Variants in DACH1 observed in about 807,000 individuals in gnomAD.
The protein encoded by DACH1 is dachshund homolog 1.
In DACH1, 12 loss-of-function variants were observed where a neutral mutation model predicts 54.2. That is an observed-to-expected ratio of 0.22 (90% CI 0.14 to 0.36). DACH1 has a LOEUF of 0.36. DACH1 is among the 10% of genes least tolerant of loss of function. The pLI is 1.00. For synonymous variants in DACH1, 386 were observed against 366.2 expected, an observed-to-expected ratio of 1.05 and a Z score of -0.62; for missense variants, 805 against 929.8, an observed-to-expected ratio of 0.87 and a Z score of 1.75.
chr13:71,828,949 AAAATTCACTT>A (rs1888484065), intron 1 of DACH1, among the ~76,000 whole-genome samples: 1 of 151,926 alleles, frequency 6.6e-6, no homozygotes, highest in South Asian at 2.1e-4. Flanking sequence ...CCCTCCCACA[AAAATTCACTT>A]AAATCCTGTT....
intron 6 of DACH1, among the ~76,000 whole-genome samples, chr13:71,497,318 A>T (rs1879517984): frequency 6.6e-6 from 1 of 151,920 alleles, no homozygotes; most frequent in Admixed American, 6.6e-5. Flanking sequence ...TTCTTGTACC[A>T]TAAGCCTGTG....
intron 1 of DACH1, among the ~76,000 whole-genome samples, chr13:71,834,198 C>A (rs1368143460): frequency 6.6e-6 from 1 of 152,014 alleles, no homozygotes; most frequent in Admixed American, 6.6e-5. Context: ...TCTCAGTAAT[C>A]TCTTTATCTT....
chr13:71,614,695 A>C (rs1875618537), intron 3 of DACH1, among the ~76,000 whole-genome samples: 1 of 152,048 alleles, frequency 6.6e-6, no homozygotes, highest in Non-Finnish European at 1.5e-5. Flanking sequence ...CTCTACAAAA[A>C]ATAAAAACAT....
intron 2 of DACH1, among the ~76,000 whole-genome samples, chr13:71,676,157 C>T (rs1413939991): frequency 7.5e-6 from 1 of 134,116 alleles, no homozygotes; most frequent in Non-Finnish European, 1.5e-5. Context: ...GTTCTCCTTA[C>T]TTGTGAGTAT....
chr13:71,678,396 T>C (rs1038143173), intron 2 of DACH1, among the ~76,000 whole-genome samples: 2 of 152,230 alleles, frequency 1.3e-5, no homozygotes, highest in Non-Finnish European at 2.9e-5. Flanking sequence ...AGAAAAATTT[T>C]ACATAAAAAG....
intron 1 of DACH1, among the ~76,000 whole-genome samples, chr13:71,711,916 T>C (rs949111700): frequency 3.3e-5 from 5 of 152,170 alleles, no homozygotes; most frequent in Non-Finnish European, 7.4e-5. Context: ...AGTTCAGTTC[T>C]ATGCTTGACA....
At chr13:71,686,052 A>G (rs941105165) in intron 1 of DACH1, among the ~76,000 whole-genome samples, 2 of 152,308 alleles carry the variant, frequency 1.3e-5, no homozygotes, top group African/African-American at 2.4e-5. Flanking sequence ...ATCATTTTCT[A>G]TAAGAGCGAC....
Position 71,557,037 on chromosome 13 carries a change from C to T in DACH1, c.1557G>A (p.Met519Ile), listed in dbSNP as rs576172044. 5 of 1,598,074 alleles carry T rather than the reference C, an allele frequency of 3.1e-6. No homozygotes were observed. In the African/African-American group the frequency reaches 4.1e-5, roughly 13 times the overall value. Reference protein sequence around the residue: ...GHDMGHESKRMHIEKDETPLS... With the variant: ...GHDMGHESKRIHIEKDETPLS... ...ATCATACATTACCTTTTTCAATATG[C>T]ATCCTTTTTGACTCATGTCCCATGT... Residue 519 changes from methionine (M) to isoleucine (I), a missense_variant, in exon 6 of 11, where the codon ATG becomes ATA. Coordinates refer to ENST00000613252, the MANE Select transcript of DACH1 (RefSeq NM_080759.6).
At chr13:71,496,334 A>G (rs560993688) in intron 6 of DACH1, among the ~76,000 whole-genome samples, 36 of 144,410 alleles carry the variant, frequency 2.5e-4, no homozygotes, top group African/African-American at 9.0e-4. Context: ...TGCAACATAT[A>G]TATATATTGT....
chr13:71,835,118 A>G (rs1888735062), intron 1 of DACH1, among the ~76,000 whole-genome samples: 1 of 152,082 alleles, frequency 6.6e-6, no homozygotes, highest in Non-Finnish European at 1.5e-5. Context: ...AAAACTTTGG[A>G]AATGTTGGCT....
intron 2 of DACH1, among the ~76,000 whole-genome samples, chr13:71,632,605 A>G (rs1218583349): frequency 2.0e-5 from 3 of 152,204 alleles, no homozygotes; most frequent in East Asian, 1.9e-4. Flanking sequence ...TTACTGCCCA[A>G]GGAATTATAA....
At chr13:71,585,123 G>A (rs952009909) in intron 3 of DACH1, among the ~76,000 whole-genome samples, 1 of 152,078 alleles carries the variant, frequency 6.6e-6, no homozygotes, top group African/African-American at 2.4e-5. Context: ...ACTGTTGTAA[G>A]TACTGGGGAG....
chr13:71,654,458 G>GTAAAGTAAAGTAAAGTAAAA (rs1566409141), intron 2 of DACH1, among the ~76,000 whole-genome samples: 1 of 71,290 alleles, frequency 1.4e-5, no homozygotes, highest in African/African-American at 4.0e-5. Flanking sequence ...ATAAAATAAA[G>GTAAAGTAAAGTAAAGTAAAA]TAAAATAAAA....
Position 71,438,712 on chromosome 13 carries a change from C to G in DACH1, c.*1943G>C, listed in dbSNP as rs1172955436. 1 of 152,404 alleles carries G rather than the reference C, an allele frequency of 6.6e-6. No individual in the cohort carries two copies. The highest frequency in any genetic ancestry group is 1.5e-5 in the Non-Finnish European group (1 of 67,886). 9.4% of individuals were successfully genotyped at this position (152,404 alleles called of 1,614,324 possible). A position where few individuals can be genotyped will look rare whatever the true frequency, so the allele number is the denominator to read the frequency against. ...AATGTATGATGCAAAAAGCTTGACA[C>G]AAGTCCATTCAATTTTAAGTGTTGT... On this transcript the variant is annotated 3_prime_UTR_variant, in exon 11 of 11. Coordinates refer to ENST00000613252, the MANE Select transcript of DACH1 (RefSeq NM_080759.6).
chr13:71,650,477 A>C (rs1284816298), intron 2 of DACH1, among the ~76,000 whole-genome samples: 1 of 152,172 alleles, frequency 6.6e-6, no homozygotes, highest in Non-Finnish European at 1.5e-5. Flanking sequence ...TAAAAGTTAA[A>C]ATATTTAATT....
intron 1 of DACH1, among the ~76,000 whole-genome samples, chr13:71,705,361 ATGT>A (rs1490452480): frequency 7.3e-6 from 1 of 137,012 alleles, no homozygotes; most frequent in Admixed American, 6.7e-5. Context: ...AGGGACCGAA[ATGT>A]TGTTGGCTAC....
At chr13:71,712,860 A>G (rs1882788359) in intron 1 of DACH1, among the ~76,000 whole-genome samples, 2 of 152,148 alleles carry the variant, frequency 1.3e-5, no homozygotes, top group Admixed American at 1.3e-4. Context: ...TTTAAATAAC[A>G]TTTAAAATGA....
At chr13:71,611,032 A>G (rs1003141987) in intron 3 of DACH1, among the ~76,000 whole-genome samples, 1 of 152,180 alleles carries the variant, frequency 6.6e-6, no homozygotes, top group Non-Finnish European at 1.5e-5. Flanking sequence ...TGAGATTATG[A>G]TGCAATGATC....
intron 1 of DACH1, among the ~76,000 whole-genome samples, chr13:71,814,898 G>A (rs1470991221): frequency 6.6e-6 from 1 of 152,108 alleles, no homozygotes; most frequent in Non-Finnish European, 1.5e-5. Context: ...TACTAACATA[G>A]CATATGATTT....
Sources: gnomAD v4.1 joint callset for allele counts (sites outside exome capture counted in the v4.1 genomes callset) on GRCh38, gnomAD v4.1.1 for gene constraint, MANE v1.5 for transcripts, NCBI Gene and HGNC (gene_info 2026-07-23, HGNC 2026-07-21) for gene names.